Variants in EPC2 observed in about 807,000 individuals in gnomAD.
EPC2 encodes enhancer of polycomb homolog 2.
Under a neutral mutation model 92.1 loss-of-function variants are expected in EPC2, and 14 were observed. The ratio of observed to expected loss-of-function variants is 0.15; its 90% confidence interval spans 0.10 to 0.24. The LOEUF (loss-of-function observed/expected upper bound fraction) is 0.24, where lower values mean the gene tolerates loss of function less well. EPC2 is among the 10% of genes least tolerant of loss of function. The pLI is 1.00. For missense variants in EPC2, 755 were observed against 971.5 expected (o/e 0.78, Z 2.96); for synonymous variants, 340 against 334.7 (o/e 1.02, Z -0.17).
At position 148,771,978 on chromosome 2, in the gene EPC2, T is replaced by C. The variant is rs1328857317; in HGVS notation, c.1720+591T>C. Among the ~76,000 whole-genome samples, 3 of 152,074 alleles carry C rather than the reference T, an allele frequency of 2.0e-5. No homozygotes were observed. The East Asian group carries it at 5.8e-4, about 29-fold the overall frequency. ...CACGCCCAGCTAATTTTTGTATTTT[T>C]AGTAGAGACAGAGTTTCGCCATGTT... is the stretch of plus-strand genomic sequence containing the variant. On this transcript the variant is annotated intron_variant, in intron 10 of 13. Transcript: ENST00000258484.
At position 148,716,728 on chromosome 2, in the gene EPC2, T is replaced by G. The variant is rs550288008; in HGVS notation, c.313+26355T>G. On this transcript the variant is annotated intron_variant, in intron 2 of 13. Coordinates refer to ENST00000258484, the MANE Select transcript of EPC2 (RefSeq NM_015630.4). ...TTTTTTGTTTTATCTCTGCCAGGTT[T>G]TGGTATCAGGATGATGCAGGCCTTA... 9.9e-5 allele frequency among the ~76,000 whole-genome samples: 15 copies of G among 152,260 alleles called. No individual in the cohort carries two copies. In the South Asian group the frequency reaches 3.1e-3, roughly 32 times the overall value.
chr2:148,782,832 C>T (rs918188161), intron 11 of EPC2, among the ~76,000 whole-genome samples: 4 of 152,160 alleles, frequency 2.6e-5, no homozygotes, highest in South Asian at 2.1e-4. Context: ...ATAAACCTTG[C>T]GTTTTAGGTC....
chr2:148,714,659 A>G (rs1049562906), intron 2 of EPC2, among the ~76,000 whole-genome samples: 1 of 152,186 alleles, frequency 6.6e-6, no homozygotes, highest in South Asian at 2.1e-4. Context: ...TTCTCTAATG[A>G]TCAGTGGTGT....
At chr2:148,770,581 T>A (rs1293069292) in intron 8 of EPC2, among the ~76,000 whole-genome samples, 1 of 152,170 alleles carries the variant, frequency 6.6e-6, no homozygotes, top group Non-Finnish European at 1.5e-5. Flanking sequence ...CTAAATTCAG[T>A]TTTGGTAATC....
chr2:148,765,248 C>A, intron 7 of EPC2, 102 bp downstream of exon 7: 1 of 798,230 alleles, frequency 1.3e-6, no homozygotes, highest in Non-Finnish European at 1.9e-6. Context: ...TTGCTTTGTT[C>A]CCCTAATGTA....
intron 4 of EPC2, among the ~76,000 whole-genome samples, 192 bp from the exon 5 acceptor site, chr2:148,761,590 G>A (rs955262964): frequency 3.9e-5 from 6 of 151,974 alleles, no homozygotes; most frequent in South Asian, 2.1e-4. Flanking sequence ...TCTGAGTGTC[G>A]AGAGATACTT....
intron 2 of EPC2, chr2:148,691,897 T>C: frequency 3.8e-6 from 2 of 526,452 alleles, no homozygotes; most frequent in Admixed American, 5.1e-5. Context: ...TAGCATTCTA[T>C]ACTAATATTA....
At chr2:148,732,741 G>A (rs1682662283) in intron 2 of EPC2, among the ~76,000 whole-genome samples, 1 of 151,794 alleles carries the variant, frequency 6.6e-6, no homozygotes, top group Admixed American at 6.6e-5. Context: ...TGGCTTATGT[G>A]GTCATCTAAA....
intron 1 of EPC2, among the ~76,000 whole-genome samples, chr2:148,650,334 A>G (rs900918512): frequency 6.6e-6 from 1 of 152,020 alleles, no homozygotes; most frequent in African/African-American, 2.4e-5. Flanking sequence ...TTCTTCCAGG[A>G]ATTCTTTTTG....
intron 6 of EPC2, among the ~76,000 whole-genome samples, chr2:148,763,559 A>C (rs1246012178): frequency 6.6e-6 from 1 of 152,170 alleles, no homozygotes; most frequent in Non-Finnish European, 1.5e-5. Context: ...TTTGTGGAAA[A>C]TTCATCTTTT....
intron 2 of EPC2, among the ~76,000 whole-genome samples, chr2:148,742,720 T>G (rs1475821871): frequency 6.7e-6 from 1 of 150,342 alleles, no homozygotes; most frequent in Non-Finnish European, 1.5e-5. Context: ...AGACAGAGAT[T>G]GCAGTGAGCA....
intron 1 of EPC2, among the ~76,000 whole-genome samples, chr2:148,677,992 C>G (rs888657403): frequency 2.0e-5 from 3 of 152,124 alleles, no homozygotes; most frequent in Non-Finnish European, 4.4e-5. Context: ...GGGACCCGAG[C>G]GGGTTGCCAC....
At chr2:148,700,898 TC>T (rs1429672629) in intron 2 of EPC2, among the ~76,000 whole-genome samples, 1 of 152,206 alleles carries the variant, frequency 6.6e-6, no homozygotes, top group African/African-American at 2.4e-5. Context: ...AATAGTGTCT[TC>T]CTGTCCATGA....
chr2:148,771,279 A>G lies in EPC2; in HGVS notation c.1612A>G (p.Ser538Gly), dbSNP rs1293716840. 1 of 1,614,024 alleles carries G rather than the reference A, an allele frequency of 6.2e-7. No homozygotes were observed. The change falls in exon 10 of 14, where the codon AGT becomes GGT. Residue 538 changes from serine (S) to glycine (G), a missense_variant. By Grantham distance (56) the Ser-to-Gly change is moderately conservative (BLOSUM62 0). This residue lies in a region of EPC2 where 509 missense variants were observed against 607.7 expected (regional missense o/e 0.84). Transcript: ENST00000258484. ...GCCAAGGCTACTAAATTTACAGGAC[A>G]GTGATAGTGAAGAATGTACCTCAAG... ...FQPRLLNLQD[S>G]DSEECTSRKP...
chr2:148,714,087 G>T (rs1388741312), intron 2 of EPC2, among the ~76,000 whole-genome samples: 1 of 129,270 alleles, frequency 7.7e-6, no homozygotes, highest in Non-Finnish European at 1.6e-5. Context: ...GCCCCAGTGT[G>T]GGTCGTTCCC....
At chr2:148,783,518 C>A (rs1683797598) in intron 11 of EPC2, 79 bp from the exon 12 acceptor site, 1 of 1,370,074 alleles carries the variant, frequency 7.3e-7, no homozygotes, top group Non-Finnish European at 1.0e-6. Context: ...GCAACAGCCT[C>A]TTGGGTTTGC....
At chr2:148,651,839 ACTT>A (rs1553537353) in intron 1 of EPC2, among the ~76,000 whole-genome samples, 1 of 152,194 alleles carries the variant, frequency 6.6e-6, no homozygotes, top group Non-Finnish European at 1.5e-5. Context: ...AGGTGTTACT[ACTT>A]CTTTTTCAGA....
At chr2:148,756,772 A>G (rs1380575441) in intron 4 of EPC2, among the ~76,000 whole-genome samples, 2 of 152,220 alleles carry the variant, frequency 1.3e-5, no homozygotes, top group African/African-American at 4.8e-5. Flanking sequence ...TAAGATAGTT[A>G]AGAGAGGAAA....
At chr2:148,775,021 G>A (rs1353754793) in intron 10 of EPC2, among the ~76,000 whole-genome samples, 2 of 150,830 alleles carry the variant, frequency 1.3e-5, no homozygotes, top group Non-Finnish European at 3.0e-5. Context: ...CCCGGGAGGC[G>A]GAGCTTGCAG....
Sources: allele counts gnomAD v4.1 joint callset (sites outside exome capture counted in the v4.1 genomes callset), GRCh38; gene constraint gnomAD v4.1.1; regional missense constraint gnomAD v4.1.1; transcripts MANE v1.5; gene names NCBI Gene and HGNC (gene_info 2026-07-23, HGNC 2026-07-21).